EBF1: variants seen among roughly 807,000 people sequenced by gnomAD.
EBF1 encodes EBF transcription factor 1, also known as transcription factor COE1.
A neutral mutation model predicts 68.4 loss-of-function variants in EBF1; 10 were observed. The ratio of observed to expected loss-of-function variants is 0.15; its 90% CI spans 0.09 to 0.25. EBF1 has a LOEUF of 0.25. EBF1 is among the 10% of genes least tolerant of loss of function. EBF1 has a pLI of 1.00. For missense variants in EBF1, 509 were observed against 794.4 expected, an observed-to-expected ratio of 0.64 and a Z score of 4.32; for synonymous variants, 298 against 299.8, an observed-to-expected ratio of 0.99 and a Z score of 0.06.
intron 6 of EBF1, among the ~76,000 whole-genome samples, chr5:158,878,553 T>C (rs1798220572): frequency 6.6e-6 from 1 of 152,074 alleles, no homozygotes; most frequent in Non-Finnish European, 1.5e-5. Context: ...TATATACTAG[T>C]ACTGCCTTCA....
At chr5:158,737,329 G>T (rs1233598070) in intron 10 of EBF1, among the ~76,000 whole-genome samples, 2 of 132,756 alleles carry the variant, frequency 1.5e-5, no homozygotes, top group Non-Finnish European at 3.1e-5. Flanking sequence ...CGTCGCCCAG[G>T]GTGGAGTGCA....
At chr5:158,706,763 C>T (rs150119515) in intron 15 of EBF1, among the ~76,000 whole-genome samples, 148 of 152,274 alleles carry the variant, frequency 9.7e-4, no homozygotes, top group Admixed American at 2.4e-3. Flanking sequence ...CATTCATCTC[C>T]ACCGTTTAAC....
At chr5:158,948,248 G>A (rs1343840184) in intron 6 of EBF1, among the ~76,000 whole-genome samples, 2 of 152,130 alleles carry the variant, frequency 1.3e-5, no homozygotes, top group Admixed American at 6.5e-5. Flanking sequence ...GCTTGTCTCT[G>A]TGATGTAGGG....
chr5:158,954,249 A>T (rs903782057), intron 6 of EBF1, among the ~76,000 whole-genome samples: 1 of 151,676 alleles, frequency 6.6e-6, no homozygotes, highest in African/African-American at 2.4e-5. Context: ...GAAGCTAAAG[A>T]GTCACTCTGA....
intron 6 of EBF1, among the ~76,000 whole-genome samples, chr5:158,881,793 A>C (rs914157620): frequency 3.9e-5 from 6 of 152,128 alleles, no homozygotes; most frequent in Non-Finnish European, 8.8e-5. Context: ...CAAATCAGTG[A>C]TTTGGGCTCA....
At position 158,866,295 on chromosome 5, in the gene EBF1, C is replaced by T. The variant is rs1038690537; in HGVS notation, c.555-26185G>A. 2.0e-5 allele frequency among the ~76,000 whole-genome samples: 3 copies of T among 152,126 alleles called. No homozygotes were observed. In the East Asian group the frequency reaches 5.8e-4, roughly 29 times the overall value. ...GTTTCCCCATTTCCATGGTTTGTAA[C>T]CCTAACTCATCTGAACTGAGAGATC... On this transcript the variant is annotated intron_variant, in intron 6 of 15. Coordinates refer to ENST00000313708, the MANE Select transcript of EBF1 (RefSeq NM_024007.5).
chr5:158,817,743 C>T (rs1415890028), intron 8 of EBF1, among the ~76,000 whole-genome samples: 1 of 152,288 alleles, frequency 6.6e-6, no homozygotes, highest in South Asian at 2.1e-4. Context: ...CCCTTTGATG[C>T]ACCACTCTAA....
intron 10 of EBF1, among the ~76,000 whole-genome samples, chr5:158,755,830 T>C (rs1266711361): frequency 6.6e-6 from 1 of 152,142 alleles, no homozygotes; most frequent in Non-Finnish European, 1.5e-5. Flanking sequence ...GACCTATCCG[T>C]GGAAGCAAAA....
chr5:158,925,192 C>A (rs1158788395), intron 6 of EBF1, among the ~76,000 whole-genome samples: 1 of 152,172 alleles, frequency 6.6e-6, no homozygotes, highest in Admixed American at 6.5e-5. Flanking sequence ...TAAAGTAATC[C>A]CTATCGGTGG....
chr5:158,925,474 G>C (rs1444973162), intron 6 of EBF1, among the ~76,000 whole-genome samples: 1 of 152,212 alleles, frequency 6.6e-6, no homozygotes, highest in Non-Finnish European at 1.5e-5. Flanking sequence ...CTGACCAATG[G>C]ATGCATGGAG....
In EBF1 at chr5:159,014,750, G is replaced by A. The variant is rs146414343; in HGVS notation, c.554+58646C>T. 3.6e-3 allele frequency among the ~76,000 whole-genome samples: 549 copies of A among 152,246 alleles called. 3 individuals are homozygous for A. The highest frequency in any genetic ancestry group is 0.012 in the African/African-American group (502 of 41,544). On this transcript the variant is annotated intron_variant, in intron 6 of 15. Coordinates refer to ENST00000313708, the MANE Select transcript of EBF1 (RefSeq NM_024007.5). ...CCAATTCCTGGCCAATGAGATGAAA[G>A]CAGGGTGCTATCTGTAATATGCAAG...
At chr5:158,919,514 C>T (rs1381369835) in intron 6 of EBF1, among the ~76,000 whole-genome samples, 2 of 152,166 alleles carry the variant, frequency 1.3e-5, no homozygotes, top group Non-Finnish European at 2.9e-5. Flanking sequence ...GATCTCCCTT[C>T]AACTTTGAGA....
intron 15 of EBF1, among the ~76,000 whole-genome samples, chr5:158,702,846 G>T (rs1180149888): frequency 6.6e-6 from 1 of 150,612 alleles, no homozygotes; most frequent in East Asian, 1.9e-4. Context: ...ATATGTGCAT[G>T]GAAAAAATGA....
chr5:159,058,966 C>G (rs1461583199), intron 6 of EBF1, among the ~76,000 whole-genome samples: 1 of 152,162 alleles, frequency 6.6e-6, no homozygotes, highest in African/African-American at 2.4e-5. Context: ...TCTCATAACC[C>G]CCAAATCCTT....
At chr5:158,769,647 A>C (rs999210310) in intron 10 of EBF1, among the ~76,000 whole-genome samples, 4 of 152,044 alleles carry the variant, frequency 2.6e-5, no homozygotes, top group African/African-American at 9.7e-5. Context: ...ACAGTATTTA[A>C]CTGTACAAAT....
intron 6 of EBF1, among the ~76,000 whole-genome samples, chr5:158,867,718 TGG>T (rs1197712092): frequency 6.6e-6 from 1 of 152,224 alleles, no homozygotes; most frequent in African/African-American, 2.4e-5. Flanking sequence ...GACTTCCATA[TGG>T]TTAGATATTT....
At chr5:159,089,581 T>C (rs1161176369) in intron 4 of EBF1, among the ~76,000 whole-genome samples, 1 of 152,150 alleles carries the variant, frequency 6.6e-6, no homozygotes, top group Non-Finnish European at 1.5e-5. Context: ...TGAACATGGT[T>C]TTTCTGTGTT....
chr5:158,835,267 G>T (rs528684219), intron 7 of EBF1, among the ~76,000 whole-genome samples: 1 of 152,092 alleles, frequency 6.6e-6, no homozygotes, highest in Non-Finnish European at 1.5e-5. Flanking sequence ...GATGTCTTCG[G>T]GGTGATTTAC....
intron 6 of EBF1, among the ~76,000 whole-genome samples, chr5:158,912,842 T>C (rs181746894): frequency 6.6e-6 from 1 of 152,312 alleles, no homozygotes; most frequent in Admixed American, 6.5e-5. Context: ...AAAAAAGATG[T>C]AGCACATGAA....
Sources: gnomAD v4.1 joint callset for allele counts (sites outside exome capture counted in the v4.1 genomes callset) on GRCh38, gnomAD v4.1.1 for gene constraint, MANE v1.5 for transcripts, NCBI Gene and HGNC (gene_info 2026-07-23, HGNC 2026-07-21) for gene names.